The following NEGR1 variants were observed in gnomAD, a reference collection of about 807,000 sequenced individuals.
NEGR1 encodes IgLON family member 4.
Under a neutral mutation model 40.9 loss-of-function variants are expected in NEGR1, and 10 were observed. The observed-to-expected ratio is 0.24, with a 90% CI of 0.15 to 0.42. NEGR1 has a LOEUF of 0.42. Among genes scored for constraint, NEGR1 ranks in the 10% least tolerant of loss-of-function variants. NEGR1 has a pLI of 1.00. For synonymous variants in NEGR1, 185 were observed against 166.8 expected (o/e 1.11, Z -0.84); for missense variants, 352 against 438.9 (o/e 0.80, Z 1.77).
intron 6 of NEGR1, among the ~76,000 whole-genome samples, chr1:71,455,378 G>A (rs1013371661): frequency 6.6e-6 from 1 of 152,170 alleles, no homozygotes; most frequent in African/African-American, 2.4e-5. Context: ...ATATCATTAA[G>A]CAGCTTGTTC....
intron 4 of NEGR1, among the ~76,000 whole-genome samples, chr1:71,629,448 A>G (rs1329998030): frequency 6.6e-6 from 1 of 151,872 alleles, no homozygotes; most frequent in Non-Finnish European, 1.5e-5. Context: ...GGTCCTTCAC[A>G]TCCCTTGTAA....
intron 1 of NEGR1, among the ~76,000 whole-genome samples, chr1:72,090,360 TTTC>T (rs1291594310): frequency 1.4e-5 from 2 of 142,418 alleles, no homozygotes; most frequent in Non-Finnish European, 3.0e-5. Context: ...TAATTCTTTT[TTTC>T]TTAAAAAAAA....
intron 2 of NEGR1, among the ~76,000 whole-genome samples, chr1:71,851,711 A>C (rs1474155478): frequency 6.6e-6 from 1 of 152,160 alleles, no homozygotes; most frequent in South Asian, 2.1e-4. Flanking sequence ...CAGAAACTGT[A>C]GCATTTGAGT....
At chr1:71,888,656 G>A (rs1312075494) in intron 2 of NEGR1, among the ~76,000 whole-genome samples, 2 of 123,512 alleles carry the variant, frequency 1.6e-5, no homozygotes, top group African/African-American at 6.3e-5. Flanking sequence ...GCCCGCCATT[G>A]CCCAGGCTTG....
At chr1:72,272,254 C>T (rs1655870170) in intron 1 of NEGR1, among the ~76,000 whole-genome samples, 3 of 151,688 alleles carry the variant, frequency 2.0e-5, no homozygotes, top group Admixed American at 2.0e-4. Flanking sequence ...TTCCTCTTCC[C>T]TTCCTCCCCA....
chr1:72,135,028 C>A (rs546822540), intron 1 of NEGR1, among the ~76,000 whole-genome samples: 3 of 150,754 alleles, frequency 2.0e-5, no homozygotes, highest in Admixed American at 6.6e-5. Flanking sequence ...TGAGCCACTG[C>A]GCCTGGCCCG....
intron 6 of NEGR1, among the ~76,000 whole-genome samples, chr1:71,433,503 G>A (rs1404814997): frequency 6.6e-6 from 1 of 152,182 alleles, no homozygotes; most frequent in Non-Finnish European, 1.5e-5. Context: ...AAGAAAAAGA[G>A]GTTTAATTGG....
At chr1:71,923,926 T>C (rs1202263607) in intron 2 of NEGR1, among the ~76,000 whole-genome samples, 2 of 152,024 alleles carry the variant, frequency 1.3e-5, no homozygotes, top group Non-Finnish European at 2.9e-5. Flanking sequence ...TTTCTTTTTT[T>C]GTGGCAGGGT....
chr1:72,075,249 G>A (rs1323851637), intron 1 of NEGR1, among the ~76,000 whole-genome samples: 1 of 152,038 alleles, frequency 6.6e-6, no homozygotes, highest in African/African-American at 2.4e-5. Context: ...CAAATAGATG[G>A]TACAGTTTTT....
At chr1:71,705,516 T>G (rs188478894) in intron 3 of NEGR1, among the ~76,000 whole-genome samples, 5 of 152,308 alleles carry the variant, frequency 3.3e-5, no homozygotes, top group Non-Finnish European at 7.4e-5. Flanking sequence ...GTGTTCAGAA[T>G]GTATAACAAA....
intron 1 of NEGR1, among the ~76,000 whole-genome samples, chr1:72,140,361 G>C (rs896370475): frequency 6.6e-6 from 1 of 151,988 alleles, no homozygotes; most frequent in Non-Finnish European, 1.5e-5. Flanking sequence ...TCACAGTTCT[G>C]GAGGCTAGGA....
Position 71,677,285 on chromosome 1 carries a change from C to T in NEGR1, c.667+20723G>A, listed in dbSNP as rs552977018. Among the ~76,000 whole-genome samples the T allele has an allele frequency of 1.1e-3, 169 of 152,154 alleles. 1 individual carries two copies. The highest frequency in any genetic ancestry group is 3.9e-3 in the African/African-American group (161 of 41,526). On this transcript the variant is annotated intron_variant, in intron 4 of 6. Transcript: ENST00000357731. The stretch of plus-strand genomic sequence containing the variant: ...ATCTGGTCTCCGGATAGGATAAAAT[C>T]GTAATTTACTACCACCCAGACAGCA...
chr1:72,067,098 T>C (rs765126455), intron 1 of NEGR1, among the ~76,000 whole-genome samples: 47 of 152,118 alleles, frequency 3.1e-4, no homozygotes, highest in Non-Finnish European at 6.5e-4. Flanking sequence ...TCTACCTTTC[T>C]AGTTGTAGCA....
intron 2 of NEGR1, among the ~76,000 whole-genome samples, chr1:71,834,704 C>A (rs1570410847): frequency 1.3e-5 from 2 of 151,970 alleles, no homozygotes; most frequent in African/African-American, 4.8e-5. Flanking sequence ...AGAATCGTGA[C>A]CAATACAGCT....
intron 4 of NEGR1, among the ~76,000 whole-genome samples, chr1:71,664,478 C>T (rs2422021): frequency 0.5 from 75,296 of 151,924 alleles, 18,694 homozygotes; most frequent in Middle Eastern, 0.56. Flanking sequence ...TGGCCTCCCT[C>T]TCCTGACCAA....
intron 2 of NEGR1, among the ~76,000 whole-genome samples, chr1:71,814,212 T>G (rs1479614479): frequency 1.3e-5 from 2 of 152,162 alleles, no homozygotes; most frequent in African/African-American, 4.8e-5. Context: ...TTTAGTTCTC[T>G]TTATTGATTT....
intron 6 of NEGR1, among the ~76,000 whole-genome samples, chr1:71,549,291 T>C (rs1348776810): frequency 6.6e-6 from 1 of 151,764 alleles, no homozygotes; most frequent in Non-Finnish European, 1.5e-5. Context: ...TATTTGTATA[T>C]CCCTGTGAGA....
In NEGR1 at chr1:71,399,287, A is replaced by T. The variant is rs940292362; in HGVS notation, c.*8159T>A. ...TGCTTATTCAAATGTAAAAAAAAAA[A>T]CCCAGTCTTTCTCCTTGTCAACATT... On this transcript the variant is annotated 3_prime_UTR_variant, in exon 7 of 7. Transcript: ENST00000357731. The T allele has an allele frequency of 1.3e-5, 2 of 152,078 alleles. No homozygotes were observed. Among genetic ancestry groups the T allele is most frequent in the East Asian group, 1.9e-4 (1 of 5,198 alleles). The allele number at this position is 152,078 out of a possible 1,614,324, so 9.4% of individuals were successfully genotyped here.
At chr1:72,063,470 G>A (rs1175947378) in intron 1 of NEGR1, among the ~76,000 whole-genome samples, 1 of 151,790 alleles carries the variant, frequency 6.6e-6, no homozygotes, top group Non-Finnish European at 1.5e-5. Flanking sequence ...TTGCGTTTTT[G>A]CCATTGTAAC....
Sources: gnomAD v4.1 joint callset for allele counts (sites outside exome capture counted in the v4.1 genomes callset) on GRCh38, gnomAD v4.1.1 for gene constraint, MANE v1.5 for transcripts, NCBI Gene and HGNC (gene_info 2026-07-23, HGNC 2026-07-21) for gene names.